Variants in MRPS31 observed in about 807,000 individuals in gnomAD.
MRPS31 encodes mitochondrial ribosomal protein S31.
A neutral mutation model predicts 43.1 loss-of-function variants in MRPS31; 32 were observed. The ratio of observed to expected loss-of-function variants is 0.74; its 90% CI spans 0.56 to 1.00. The LOEUF (loss-of-function observed/expected upper bound fraction) is 1.00. MRPS31 is among the 50% of genes least tolerant of loss of function. The pLI, the probability that MRPS31 is intolerant of heterozygous loss-of-function variation, is 0.00. For synonymous variants in MRPS31, 165 were observed against 161.6 expected, an observed-to-expected ratio of 1.02 and a Z score of -0.16; for missense variants, 437 against 466.7, an observed-to-expected ratio of 0.94 and a Z score of 0.59.
chr13:40,752,004 A>C (rs1880403535), intron 5 of MRPS31, among the ~76,000 whole-genome samples: 2 of 152,112 alleles, frequency 1.3e-5, no homozygotes, highest in South Asian at 4.2e-4. Context: ...GGACAACAGC[A>C]GCTGCCCTGA....
intron 1 of MRPS31, among the ~76,000 whole-genome samples, chr13:40,770,319 T>C (rs78961843): frequency 6.6e-6 from 1 of 152,342 alleles, no homozygotes; most frequent in African/African-American, 2.4e-5. Context: ...GTTTTCATAA[T>C]AAAGTTCTCG....
At chr13:40,754,944 G>T (rs563822594) in intron 4 of MRPS31, among the ~76,000 whole-genome samples, 2 of 152,226 alleles carry the variant, frequency 1.3e-5, no homozygotes, top group Non-Finnish European at 2.9e-5. Flanking sequence ...TAAGGCAGGA[G>T]AATCCCTTGA....
intron 5 of MRPS31, among the ~76,000 whole-genome samples, 184 bp downstream of exon 5, chr13:40,753,835 C>T (rs1019590342): frequency 6.6e-6 from 1 of 152,214 alleles, no homozygotes; most frequent in Non-Finnish European, 1.5e-5. Context: ...TCTCTTGACG[C>T]CTTCCCAGTT....
intron 2 of MRPS31, among the ~76,000 whole-genome samples, chr13:40,765,885 C>T (rs566695199): frequency 9.8e-4 from 149 of 152,312 alleles, no homozygotes; most frequent in African/African-American, 3.6e-3. Context: ...TCACTGATTG[C>T]ATTTAGAATT....
At chr13:40,741,414 G>A (rs1316610747) in intron 6 of MRPS31, among the ~76,000 whole-genome samples, 1 of 152,076 alleles carries the variant, frequency 6.6e-6, no homozygotes, top group Admixed American at 6.6e-5. Context: ...TTAACAAAGA[G>A]CCCAACAGAA....
In MRPS31 at chr13:40,771,112, G is replaced by A. The variant is rs1005295475; in HGVS notation, c.25C>T (p.Leu9=). The A allele has an allele frequency of 1.2e-6, 2 of 1,612,908 alleles. No individual in the cohort carries two copies. The highest frequency in any genetic ancestry group is 2.7e-5 in the African/African-American group (2 of 75,014). ...TGGCGGGAAAGGGGGCGAAGAGGTA[G>A]GAACGTCGAGACTCTAGGAAACATC... The part of the protein sequence containing the change: MFPRVSTF[L]PLRPLSRHPL... The change falls in exon 1 of 7, where the codon CTA becomes TTA. Residue 9 remains leucine (L), a synonymous_variant. Coordinates refer to ENST00000323563, the MANE Select transcript of MRPS31 (RefSeq NM_005830.4).
At position 40,760,655 on chromosome 13, in the gene MRPS31, CA is replaced by C. The variant is rs201037480; in HGVS notation, c.441-1550del. Among the ~76,000 whole-genome samples, 1,206 of 132,970 alleles carry C rather than the reference CA, an allele frequency of 9.1e-3. 25 individuals are homozygous for C. Among genetic ancestry groups the C allele is most frequent in the African/African-American group, 0.032 (1,130 of 35,116 alleles). The allele number at this position is 132,970 out of a possible 152,430, so 87.2% of individuals were successfully genotyped here. ...CCTTTTTTTTTTTTTTTTTAAGAGA[CA>C]GGGGTCTCAATATGTCGTCAAGTCT... is the stretch of plus-strand genomic sequence containing the variant. On this transcript the variant is annotated intron_variant, in intron 2 of 6. Coordinates refer to ENST00000323563, the MANE Select transcript of MRPS31 (RefSeq NM_005830.4).
chr13:40,749,065 A>G, intron 6 of MRPS31, 73 bp downstream of exon 6: 1 of 1,447,174 alleles, frequency 6.9e-7, no homozygotes, highest in Non-Finnish European at 9.3e-7. Context: ...AAGTATCTAT[A>G]CTCTAAAAGT....
rs1266718985 is a variant in MRPS31, at chr13:40,729,447, T to C, written c.1113A>G (p.Glu371=). 38 of 1,604,612 alleles carry C rather than the reference T, an allele frequency of 2.4e-5. No individual in the cohort carries two copies. The highest frequency in any genetic ancestry group is 3.2e-5 in the Non-Finnish European group (38 of 1,171,538). ...NPYLSVKQKV[E]HIEWFRNYFN... ...AATAATTTCTAAACCACTCTATGTG[T>C]TCAACCTTCTGTTTAACACTAAGAT... is the stretch of plus-strand genomic sequence containing the variant. Residue 371 remains glutamate (E), a synonymous_variant, in exon 7 of 7, where the codon GAA becomes GAG. Transcript: ENST00000323563.
chr13:40,760,669 TGTC>T (rs766244996), intron 2 of MRPS31, among the ~76,000 whole-genome samples: 2 of 150,954 alleles, frequency 1.3e-5, no homozygotes, highest in Non-Finnish European at 2.9e-5. Flanking sequence ...GGTCTCAATA[TGTC>T]GTCAAGTCTG....
chr13:40,764,990 A>G (rs565246364), intron 2 of MRPS31, among the ~76,000 whole-genome samples: 1 of 152,352 alleles, frequency 6.6e-6, no homozygotes, highest in East Asian at 1.9e-4. Context: ...CAGTCTATGT[A>G]TGAAGCAATG....
chr13:40,742,951 C>T (rs576727053), intron 6 of MRPS31, among the ~76,000 whole-genome samples: 1 of 152,170 alleles, frequency 6.6e-6, no homozygotes, highest in South Asian at 2.1e-4. Context: ...TATAAAAACC[C>T]TACAAGAAGA....
At chr13:40,757,157 A>C in intron 3 of MRPS31, 144 bp from the exon 4 acceptor site, 1 of 596,728 alleles carries the variant, frequency 1.7e-6, no homozygotes, top group Non-Finnish European at 2.8e-6. Flanking sequence ...TAAATAAAAA[A>C]TGTCGCCTAT....
rs754377766 is a variant in MRPS31 at position 40,770,993 on chromosome 13, C to G, written c.144G>C (p.Leu48=). 1.9e-6 allele frequency: 3 copies of G among 1,614,022 alleles called. No homozygotes were observed. The African/African-American group carries it at 4.0e-5, about 22-fold the overall frequency. Residue 48 remains leucine, a synonymous_variant, in exon 1 of 7, where the codon CTG becomes CTC. Transcript: ENST00000323563. ...HGTVRYRSSA[L]LARTKNNIQR... The stretch of plus-strand genomic sequence containing the variant: ...GTTGCCTGAGGACCTACCGGGCCAA[C>G]AGCGCTGAACTGCGGTACCTGACTG...
In MRPS31 at chr13:40,749,271, A is replaced by G; in HGVS notation, c.825T>C (p.Pro275=). 6.3e-7 allele frequency: 1 copy of G among 1,581,404 alleles called. No homozygotes were observed. Among genetic ancestry groups the G allele is most frequent in the Non-Finnish European group, 8.5e-7 (1 of 1,171,420 alleles). ...TKEAPETDTS[P]SLWDVEFAKQ... is the part of the protein sequence containing the mutation. ...TAGCAAATTCCACATCCCAAAGTGA[A>G]GGTGATGTGTCTACATAATAAAGAC... The change falls in exon 6 of 7, where the codon CCT becomes CCC. Residue 275 remains proline, a synonymous_variant. Transcript: ENST00000323563.
chr13:40,749,358 T>A, intron 5 of MRPS31, 77 bp from the exon 6 acceptor site: 1 of 1,209,694 alleles, frequency 8.3e-7, no homozygotes, highest in Non-Finnish European at 1.1e-6. Flanking sequence ...CAATCCTGAA[T>A]TGACCATGTA....
chr13:40,737,981 A>C (rs1407226930), intron 6 of MRPS31, among the ~76,000 whole-genome samples: 3 of 152,038 alleles, frequency 2.0e-5, no homozygotes, highest in Non-Finnish European at 4.4e-5. Context: ...ACCCTTCAAA[A>C]AATTAATGAA....
intron 6 of MRPS31, among the ~76,000 whole-genome samples, chr13:40,741,244 C>A (rs145872274): frequency 0.013 from 1,903 of 152,118 alleles, 51 homozygotes; most frequent in African/African-American, 0.043. Flanking sequence ...TATATTATTA[C>A]CTTTTATATT....
At chr13:40,757,303 G>A (rs1276124225) in intron 3 of MRPS31, among the ~76,000 whole-genome samples, 1 of 152,114 alleles carries the variant, frequency 6.6e-6, no homozygotes, top group Non-Finnish European at 1.5e-5. Flanking sequence ...AGTAAAATCA[G>A]TATCTGTTAT....
Sources: allele counts gnomAD v4.1 joint callset (sites outside exome capture counted in the v4.1 genomes callset), GRCh38; gene constraint gnomAD v4.1.1; transcripts MANE v1.5; gene names NCBI Gene and HGNC (gene_info 2026-07-23, HGNC 2026-07-21).